The following FAM9C variants were observed in gnomAD, a reference collection of about 807,000 sequenced individuals.
FAM9C encodes the protein family with sequence similarity 9 member C.
In FAM9C, 15 loss-of-function variants were observed where a neutral mutation model predicts 14.8. The observed-to-expected ratio is 1.02, with a 90% CI of 0.68 to 1.56. The LOEUF (loss-of-function observed/expected upper bound fraction) is 1.56. FAM9C is among the 40% of genes most tolerant of loss of function. The pLI, the probability that FAM9C is intolerant of heterozygous loss-of-function variation, is 0.00. For missense variants in FAM9C, 116 were observed against 118.0 expected (o/e 0.98, Z 0.08); for synonymous variants, 45 against 37.5 (o/e 1.20, Z -0.74).
At chrX:13,041,104 GA>G (rs1258430425) in intron 4 of FAM9C, 2 of 224,123 alleles carry the variant, frequency 8.9e-6, no homozygotes, top group Non-Finnish European at 7.9e-6. Context: ...GACAGATAAT[GA>G]AAAAAAGCAA....
chrX:13,042,943 A>T lies in FAM9C; in HGVS notation c.189T>A (p.Asp63Glu), dbSNP rs752209809. The T allele has an allele frequency of 8.4e-7, 1 of 1,191,262 alleles. No homozygotes were observed. The highest frequency in any genetic ancestry group is 1.9e-5 in the South Asian group (1 of 53,100). The change falls in exon 4 of 8, where the codon GAT becomes GAA. Residue 63 changes from aspartate (D) to glutamate (E), a missense_variant. Asp to Glu is a conservative substitution (Grantham distance 45). Coordinates refer to ENST00000380625, the MANE Select transcript of FAM9C (RefSeq NM_174901.6). ...FAETDEHTGV[D>E]TKELEDIAAD... ...CTGCAATATCTTCTAGCTCCTTGGTATCAACCCTGTAACAAAAAGTTGCAA... is the reference window on the plus strand; with the variant it reads ...CTGCAATATCTTCTAGCTCCTTGGTTTCAACCCTGTAACAAAAAGTTGCAA...
At chrX:13,042,739 T>G in intron 4 of FAM9C, 179 bp downstream of exon 4, 2 of 536,736 alleles carry the variant, frequency 3.7e-6, no homozygotes, top group Non-Finnish European at 6.4e-6. Context: ...ATTCTCACAT[T>G]CCACATCAAC....
chrX:13,039,668 C>A (rs2043509104), intron 6 of FAM9C, 140 bp downstream of exon 6: 6 of 977,872 alleles, frequency 6.1e-6, no homozygotes, highest in Non-Finnish European at 8.1e-6. Context: ...CAATTATATT[C>A]CCCTAGTCCA....
intron 6 of FAM9C, among the ~76,000 whole-genome samples, chrX:13,039,136 T>C (rs1038079088): frequency 2.7e-5 from 3 of 111,747 alleles, no homozygotes; most frequent in Admixed American, 1.9e-4. Flanking sequence ...AACTCTGAAA[T>C]AGGTACCCTC....
chrX:13,038,686 C>T (rs191768451), intron 6 of FAM9C, among the ~76,000 whole-genome samples, 183 bp from the exon 7 acceptor site: 45 of 112,416 alleles, frequency 4.0e-4, no homozygotes, highest in African/African-American at 1.3e-3. Context: ...CCTTTTTCAT[C>T]AGTCATGGAG....
intron 7 of FAM9C, 169 bp from the exon 8 acceptor site, chrX:13,036,187 CAA>C (rs2043478980): frequency 8.9e-6 from 1 of 111,861 alleles, no homozygotes. Flanking sequence ...CTCTCTTCAC[CAA>C]AAAGAGGGCT....
chrX:13,039,533 G>A (rs2043507831), intron 6 of FAM9C, among the ~76,000 whole-genome samples: 1 of 111,163 alleles, frequency 9.0e-6, no homozygotes, highest in African/African-American at 3.3e-5. Flanking sequence ...CAACATGCTC[G>A]GCTACACCCC....
chrX:13,038,558 A>AAACAT (rs781480985), intron 6 of FAM9C, 55 bp from the exon 7 acceptor site: 1 of 1,042,081 alleles, frequency 9.6e-7, no homozygotes, highest in African/African-American at 1.9e-5. Flanking sequence ...AATACTTATA[A>AAACAT]AACATTCTGC....
At chrX:13,040,282 G>C (rs1231301440) in intron 5 of FAM9C, 13 of 750,952 alleles carry the variant, frequency 1.7e-5, no homozygotes, top group Non-Finnish European at 2.0e-5. Context: ...CATTCATCCC[G>C]TAAGATTTCC....
In FAM9C at chrX:13,043,827, T is replaced by C. The variant is rs772886395; in HGVS notation, c.-38A>G. On this transcript the variant is annotated 5_prime_UTR_variant, in exon 2 of 8. Transcript: ENST00000380625. ...CCTGCCCACGGGCTCCGTGGCTGAC[T>C]GGCCTGGGAAGCTAGAGGCGACCTC... is the stretch of plus-strand genomic sequence containing the variant. The C allele has an allele frequency of 8.4e-7, 1 of 1,195,841 alleles. No individual in the cohort carries two copies. The highest frequency in any genetic ancestry group is 2.2e-5 in the Admixed American group (1 of 46,015).
intron 1 of FAM9C, among the ~76,000 whole-genome samples, chrX:13,044,321 A>G (rs867553245): frequency 1.3e-5 from 1 of 76,856 alleles, no homozygotes; most frequent in African/African-American, 5.1e-5. Context: ...TGACCCCCCG[A>G]CCCCCCCCCA....
Position 13,043,843 on chromosome X carries a change from A to G in FAM9C, c.-54T>C. 3.5e-6 allele frequency: 4 copies of G among 1,137,360 alleles called. No individual in the cohort carries two copies. The highest frequency in any genetic ancestry group is 4.8e-6 in the Non-Finnish European group (4 of 828,326). 93.7% of individuals were successfully genotyped at this position (1,137,360 alleles called of 1,213,427 possible). A position where few individuals can be genotyped will look rare whatever the true frequency, so the allele number is the denominator to read the frequency against. On this transcript the variant is annotated 5_prime_UTR_variant, in exon 2 of 8. Coordinates refer to ENST00000380625, the MANE Select transcript of FAM9C (RefSeq NM_174901.6). ...GTGGCTGACTGGCCTGGGAAGCTAG[A>G]GGCGACCTCTGAACCTGGTGAGTGC...
At chrX:13,043,664 C>T in intron 2 of FAM9C, 65 bp downstream of exon 2, 1 of 1,183,334 alleles carries the variant, frequency 8.5e-7, no homozygotes. Flanking sequence ...ATGTGCGCCC[C>T]GCCCAGAAAG....
chrX:13,036,483 G>A (rs1435428143), intron 7 of FAM9C: 1 of 111,520 alleles, frequency 9.0e-6, no homozygotes, highest in African/African-American at 3.3e-5. Flanking sequence ...TGATGAATAT[G>A]TTATGGTCAA....
At chrX:13,038,266 G>A in intron 7 of FAM9C, 150 bp downstream of exon 7, 1 of 366,104 alleles carries the variant, frequency 2.7e-6, no homozygotes. Flanking sequence ...GTTAAATCTG[G>A]AACAACACAT....
chrX:13,037,091 C>G, intron 7 of FAM9C: 1 of 111,669 alleles, frequency 9.0e-6, no homozygotes, highest in East Asian at 2.8e-4. Context: ...CTCTGAATAT[C>G]TAAGAACTGA....
intron 5 of FAM9C, 96 bp downstream of exon 5, chrX:13,040,662 C>A: frequency 1.8e-6 from 1 of 562,497 alleles, no homozygotes; most frequent in Non-Finnish European, 2.7e-6. Context: ...TCCCTAGAGA[C>A]ACCAATATGT....
In FAM9C at chrX:13,038,462, C is replaced by G; in HGVS notation, c.480G>C (p.Gly160=). The G allele has an allele frequency of 8.3e-7, 1 of 1,206,515 alleles. No homozygotes were observed. The highest frequency in any genetic ancestry group is 1.1e-6 in the Non-Finnish European group (1 of 893,424). Residue 160 remains glycine, a synonymous_variant, in exon 7 of 8, where the codon GGG becomes GGC. Coordinates refer to ENST00000380625, the MANE Select transcript of FAM9C (RefSeq NM_174901.6). ...TGGCTCAATCTCTTTCAGTTCCTTT[C>G]CCATCTTGTTGCCACCTCTTTTGTT... is the stretch of plus-strand genomic sequence containing the variant. The part of the protein sequence containing the change: ...QEQQKRWQQD[G]KGTERD
intron 7 of FAM9C, 34 bp from the exon 8 acceptor site, chrX:13,036,052 T>TA (rs1234903474): frequency 8.9e-6 from 1 of 112,573 alleles, no homozygotes; most frequent in East Asian, 2.7e-4. Context: ...GTAATTGCGA[T>TA]ACACATTTCT....
Sources: gnomAD v4.1 joint callset for allele counts (sites outside exome capture counted in the v4.1 genomes callset) on GRCh38, gnomAD v4.1.1 for gene constraint, MANE v1.5 for transcripts, NCBI Gene and HGNC (gene_info 2026-07-23, HGNC 2026-07-21) for gene names.